TLR2: variants seen among roughly 807,000 people sequenced by gnomAD.
TLR2 encodes toll like receptor 2.
TLR2 carries 7 observed loss-of-function variants against 9.1 expected under a neutral mutation model. That is an observed-to-expected ratio of 0.77 (90% CI 0.44 to 1.44). The LOEUF (loss-of-function observed/expected upper bound fraction) is 1.44. Among genes scored for constraint, TLR2 ranks in the 40% most tolerant of loss-of-function variants. The pLI, the probability that TLR2 is intolerant of heterozygous loss-of-function variation, is 0.01. For synonymous variants in TLR2, 317 were observed against 344.6 expected (o/e 0.92, Z 0.89); for missense variants, 812 against 904.6 (o/e 0.90, Z 1.31).
At chr4:153,698,941 A>G (rs889707514) in intron 2 of TLR2, among the ~76,000 whole-genome samples, 1 of 152,208 alleles carries the variant, frequency 6.6e-6, no homozygotes, top group African/African-American at 2.4e-5. Context: ...TTCAGATTTC[A>G]TGTTTAAAGC....
chr4:153,691,999 G>A (rs760763159), intron 2 of TLR2, among the ~76,000 whole-genome samples: 11 of 152,204 alleles, frequency 7.2e-5, no homozygotes, highest in Non-Finnish European at 1.2e-4. Flanking sequence ...ATGTAACACT[G>A]TGAAAATTTT....
chr4:153,703,956 T>G lies in TLR2; in HGVS notation c.1049T>G (p.Leu350Arg), dbSNP rs1280585216. The change falls in exon 3 of 3, where the codon CTG (leucine) becomes CGG (arginine). Residue 350 changes from leucine (L) to arginine (R), a missense_variant. By Grantham distance (102) the Leu-to-Arg change is moderately radical. Transcript: ENST00000642700. ...RITVENSKVFLVPCLLSQHLK... is the reference protein window; with the variant it reads ...RITVENSKVFRVPCLLSQHLK... Reference sequence around the variant, plus strand: ...ACAGTAGAAAACAGTAAAGTTTTTCTGGTTCCTTGTTTACTTTCACAACAT... The same window carrying G: ...ACAGTAGAAAACAGTAAAGTTTTTCGGGTTCCTTGTTTACTTTCACAACAT... 6.2e-7 allele frequency: 1 copy of G among 1,611,446 alleles called. No individual in the cohort carries two copies. Among genetic ancestry groups the G allele is most frequent in the Admixed American group, 1.7e-5 (1 of 59,412 alleles).
In TLR2 at chr4:153,706,010, A is replaced by C. The variant is rs947240402; in HGVS notation, c.*748A>C. 6.6e-6 allele frequency among the ~76,000 whole-genome samples: 1 copy of C among 152,222 alleles called. No homozygotes were observed. The highest frequency in any genetic ancestry group is 2.4e-5 in the African/African-American group (1 of 41,460). Reference sequence around the variant, plus strand: ...GATCTCAAGAGCAACAAGGCAAAGTATTTGGGGCACTCCCCAAAACTTGTT... The same window carrying C: ...GATCTCAAGAGCAACAAGGCAAAGTCTTTGGGGCACTCCCCAAAACTTGTT... On this transcript the variant is annotated 3_prime_UTR_variant, in exon 3 of 3. Transcript: ENST00000642700.
At chr4:153,686,167 C>T (rs1024472630) in intron 1 of TLR2, among the ~76,000 whole-genome samples, 1 of 152,036 alleles carries the variant, frequency 6.6e-6, no homozygotes, top group African/African-American at 2.4e-5. Context: ...CCTCTCAGCT[C>T]GCAGTGAGCC....
At chr4:153,691,043 G>T (rs1396927033) in intron 2 of TLR2, among the ~76,000 whole-genome samples, 1 of 152,176 alleles carries the variant, frequency 6.6e-6, no homozygotes, top group Non-Finnish European at 1.5e-5. Context: ...CATATCAAAA[G>T]CAGTCAATAC....
intron 2 of TLR2, among the ~76,000 whole-genome samples, chr4:153,698,493 A>G (rs1487093549): frequency 4.6e-5 from 7 of 152,176 alleles, no homozygotes; most frequent in Admixed American, 3.9e-4. Flanking sequence ...TCAGACAGCT[A>G]TCTGGTCCTT....
At chr4:153,690,758 T>A (rs1398706822) in intron 2 of TLR2, among the ~76,000 whole-genome samples, 1 of 152,254 alleles carries the variant, frequency 6.6e-6, no homozygotes, top group Non-Finnish European at 1.5e-5. Context: ...ACCAGAGGCA[T>A]TAACATGGGT....
chr4:153,687,466 C>G (rs532619143), intron 1 of TLR2, among the ~76,000 whole-genome samples: 1 of 152,122 alleles, frequency 6.6e-6, no homozygotes, highest in Non-Finnish European at 1.5e-5. Flanking sequence ...AAATTGAGGA[C>G]CTCTCTTTTG....
intron 1 of TLR2, among the ~76,000 whole-genome samples, chr4:153,686,045 A>G (rs1735678913): frequency 6.6e-6 from 1 of 152,208 alleles, no homozygotes; most frequent in Non-Finnish European, 1.5e-5. Flanking sequence ...AGAGGACAGA[A>G]CTTACTTTTA....
intron 2 of TLR2, among the ~76,000 whole-genome samples, chr4:153,696,254 T>C (rs1736488333): frequency 1.3e-5 from 2 of 152,220 alleles, no homozygotes; most frequent in Admixed American, 6.5e-5. Context: ...GCATTAAATC[T>C]ATAGATTGCT....
At chr4:153,698,934 A>T (rs1736694196) in intron 2 of TLR2, among the ~76,000 whole-genome samples, 1 of 152,206 alleles carries the variant, frequency 6.6e-6, no homozygotes, top group Non-Finnish European at 1.5e-5. Flanking sequence ...TCACATATTC[A>T]GATTTCATGT....
intron 2 of TLR2, among the ~76,000 whole-genome samples, chr4:153,696,005 G>C (rs1042782599): frequency 6.6e-6 from 1 of 152,004 alleles, no homozygotes; most frequent in African/African-American, 2.4e-5. Flanking sequence ...TTTGTTTCTG[G>C]GTTCTCTATT....
chr4:153,685,920 A>G (rs1208365842), intron 1 of TLR2, among the ~76,000 whole-genome samples: 1 of 152,216 alleles, frequency 6.6e-6, no homozygotes. Context: ...ACAGAAATTT[A>G]TCCATTCATG....
chr4:153,692,395 A>G (rs561353913), intron 2 of TLR2, among the ~76,000 whole-genome samples: 2 of 152,252 alleles, frequency 1.3e-5, no homozygotes, highest in East Asian at 3.9e-4. Context: ...CCTTTTTCTA[A>G]TTGTTCAGCA....
intron 2 of TLR2, among the ~76,000 whole-genome samples, chr4:153,689,421 G>C (rs1359759013): frequency 1.3e-5 from 2 of 152,334 alleles, no homozygotes; most frequent in East Asian, 3.9e-4. Context: ...CACGCAGACT[G>C]AGAGGTGCAA....
intron 2 of TLR2, among the ~76,000 whole-genome samples, chr4:153,689,017 TCA>T (rs1240047566): frequency 6.6e-6 from 1 of 152,208 alleles, no homozygotes; most frequent in Non-Finnish European, 1.5e-5. Context: ...ATCATTGAAA[TCA>T]CAGAGCTTCC....
At chr4:153,700,416 A>T (rs1736804308) in intron 2 of TLR2, among the ~76,000 whole-genome samples, 1 of 152,244 alleles carries the variant, frequency 6.6e-6, no homozygotes, top group Non-Finnish European at 1.5e-5. Flanking sequence ...TACTATTGTG[A>T]TAAGTTAAAG....
chr4:153,691,260 A>G lies in TLR2; in HGVS notation c.-17+3213A>G, dbSNP rs369345377. Among the ~76,000 whole-genome samples the G allele has an allele frequency of 2.5e-4, 38 of 152,358 alleles. No homozygotes were observed. In the South Asian group the frequency reaches 7.3e-3, roughly 29 times the overall value. ...ATTGAAATAATTTCATTTTAGGAAAATGATTATCAAGAATACCCACAAAGT... is the reference window on the plus strand; with the variant it reads ...ATTGAAATAATTTCATTTTAGGAAAGTGATTATCAAGAATACCCACAAAGT... On this transcript the variant is annotated intron_variant, in intron 2 of 2. Transcript: ENST00000642700.
intron 2 of TLR2, among the ~76,000 whole-genome samples, chr4:153,694,749 A>G (rs559314509): frequency 2.6e-5 from 4 of 152,332 alleles, no homozygotes; most frequent in Non-Finnish European, 4.4e-5. Flanking sequence ...CTGTTTTGCT[A>G]TCAAAGAATA....
Sources: gnomAD v4.1 joint callset for allele counts (sites outside exome capture counted in the v4.1 genomes callset) on GRCh38, gnomAD v4.1.1 for gene constraint, MANE v1.5 for transcripts, NCBI Gene and HGNC (gene_info 2026-07-23, HGNC 2026-07-21) for gene names.